SETBP1: variants seen among roughly 807,000 people sequenced by gnomAD.
SETBP1 encodes the protein SET-binding protein.
A neutral mutation model predicts 101.0 loss-of-function variants in SETBP1; 9 were observed. The observed-to-expected ratio is 0.09, with a 90% confidence interval of 0.05 to 0.16. The LOEUF (loss-of-function observed/expected upper bound fraction) is 0.16, where lower values mean the gene tolerates loss of function less well. SETBP1 is among the 10% of genes least tolerant of loss of function. The pLI is 1.00. For missense variants in SETBP1, 1,858 were observed against 2,033.8 expected (o/e 0.91, Z 1.66); for synonymous variants, 818 against 788.5 (o/e 1.04, Z -0.63).
intron 3 of SETBP1, among the ~76,000 whole-genome samples, chr18:44,895,147 AAGG>A (rs1203195921): frequency 7.8e-6 from 1 of 128,770 alleles, no homozygotes; most frequent in Non-Finnish European, 1.7e-5. Flanking sequence ...CAGAGAAAGA[AAGG>A]AGAAGAGGGA....
At chr18:44,897,354 G>A (rs908088171) in intron 3 of SETBP1, among the ~76,000 whole-genome samples, 1 of 152,100 alleles carries the variant, frequency 6.6e-6, no homozygotes, top group Non-Finnish European at 1.5e-5. Flanking sequence ...AGGATCTGAA[G>A]CTTTTGTGAA....
At chr18:44,973,562 T>C (rs1473580823) in intron 4 of SETBP1, among the ~76,000 whole-genome samples, 3 of 152,148 alleles carry the variant, frequency 2.0e-5, no homozygotes, top group South Asian at 2.1e-4. Flanking sequence ...TGTGGGGCCA[T>C]TGGGGGCAAA....
At chr18:44,847,960 G>T (rs939047831) in intron 2 of SETBP1, among the ~76,000 whole-genome samples, 1 of 152,080 alleles carries the variant, frequency 6.6e-6, no homozygotes, top group Non-Finnish European at 1.5e-5. Flanking sequence ...AAGTACAAGA[G>T]CCTGAAAGCT....
chr18:44,958,536 C>T (rs911482850), intron 4 of SETBP1, among the ~76,000 whole-genome samples: 3 of 152,092 alleles, frequency 2.0e-5, no homozygotes, highest in Non-Finnish European at 2.9e-5. Flanking sequence ...GTACAAACAT[C>T]TCATTTTGCT....
intron 2 of SETBP1, among the ~76,000 whole-genome samples, chr18:44,807,505 G>A (rs1301962890): frequency 6.6e-6 from 1 of 152,084 alleles, no homozygotes; most frequent in Non-Finnish European, 1.5e-5. Flanking sequence ...TCTTTGAGAT[G>A]TTTCTGGCCG....
chr18:45,041,734 G>A (rs1411050244), intron 5 of SETBP1, among the ~76,000 whole-genome samples: 2 of 152,086 alleles, frequency 1.3e-5, no homozygotes, highest in African/African-American at 4.8e-5. Context: ...GGCCAGGGTG[G>A]GTGGATCACC....
intron 3 of SETBP1, among the ~76,000 whole-genome samples, chr18:44,929,406 T>C (rs1389983378): frequency 1.3e-5 from 2 of 152,242 alleles, no homozygotes; most frequent in Non-Finnish European, 2.9e-5. Flanking sequence ...TCGGATTGTC[T>C]TGGCAATGTG....
At chr18:44,982,194 G>A (rs2072129207) in intron 4 of SETBP1, among the ~76,000 whole-genome samples, 1 of 152,176 alleles carries the variant, frequency 6.6e-6, no homozygotes, top group Non-Finnish European at 1.5e-5. Flanking sequence ...ATCCTATACA[G>A]GTGTAAAATA....
chr18:44,805,093 C>T (rs1478285969), intron 2 of SETBP1, among the ~76,000 whole-genome samples: 1 of 151,972 alleles, frequency 6.6e-6, no homozygotes, highest in African/African-American at 2.4e-5. Flanking sequence ...AGATCTCAGG[C>T]TGTTTGCAGT....
At chr18:44,960,493 C>A (rs370737198) in intron 4 of SETBP1, among the ~76,000 whole-genome samples, 3 of 151,970 alleles carry the variant, frequency 2.0e-5, no homozygotes, top group African/African-American at 7.3e-5. Context: ...TGCCACCATA[C>A]CCTGTTAATT....
At chr18:45,050,087 A>G (rs2073696879) in intron 5 of SETBP1, among the ~76,000 whole-genome samples, 2 of 152,232 alleles carry the variant, frequency 1.3e-5, no homozygotes, top group African/African-American at 4.8e-5. Context: ...ACTAAGGGAC[A>G]CTAATCAAGG....
chr18:44,915,726 G>A (rs1021374583), intron 3 of SETBP1, among the ~76,000 whole-genome samples: 33 of 152,186 alleles, frequency 2.2e-4, no homozygotes, highest in Non-Finnish European at 3.8e-4. Flanking sequence ...GAAGAGGCAA[G>A]TACAGGCACC....
At chr18:44,815,911 C>T (rs1221616591) in intron 2 of SETBP1, among the ~76,000 whole-genome samples, 1 of 152,202 alleles carries the variant, frequency 6.6e-6, no homozygotes, top group Non-Finnish European at 1.5e-5. Flanking sequence ...TTGGAGGACC[C>T]TCCCAGCTTC....
At chr18:44,712,031 C>T (rs575958504) in intron 2 of SETBP1, among the ~76,000 whole-genome samples, 1 of 152,370 alleles carries the variant, frequency 6.6e-6, no homozygotes, top group African/African-American at 2.4e-5. Context: ...TGACCTCACA[C>T]GGGAAACAAT....
chr18:44,732,518 A>G (rs1348520678), intron 2 of SETBP1: 2 of 152,242 alleles, frequency 1.3e-5, no homozygotes, highest in Non-Finnish European at 2.9e-5. Context: ...GGACAGGAGC[A>G]GCCATATTGT....
chr18:44,820,877 T>A (rs891812201), intron 2 of SETBP1, among the ~76,000 whole-genome samples: 2 of 152,202 alleles, frequency 1.3e-5, no homozygotes, highest in South Asian at 2.1e-4. Flanking sequence ...GGAAGATGGA[T>A]AAAGAGTCAC....
chr18:44,905,705 T>C (rs1216642869), intron 3 of SETBP1, among the ~76,000 whole-genome samples: 1 of 152,214 alleles, frequency 6.6e-6, no homozygotes, highest in Non-Finnish European at 1.5e-5. Context: ...CTTCCACCTC[T>C]GATTCAAGGA....
intron 2 of SETBP1, among the ~76,000 whole-genome samples, chr18:44,768,974 A>G (rs1275113843): frequency 6.6e-6 from 1 of 152,248 alleles, no homozygotes; most frequent in East Asian, 1.9e-4. Context: ...TGGGTATAAC[A>G]TACCTGCTTG....
At chr18:45,027,244 A>G (rs2145441794) in intron 4 of SETBP1, among the ~76,000 whole-genome samples, 1 of 152,308 alleles carries the variant, frequency 6.6e-6, no homozygotes, top group South Asian at 2.1e-4. Flanking sequence ...GCACTTCTGA[A>G]TTAAGAAGGC....
Sources: allele counts gnomAD v4.1 joint callset (sites outside exome capture counted in the v4.1 genomes callset), GRCh38; gene constraint gnomAD v4.1.1; transcripts MANE v1.5; gene names NCBI Gene and HGNC (gene_info 2026-07-23, HGNC 2026-07-21).